Variants in BTN3A2 observed in about 807,000 individuals in gnomAD.
The protein encoded by BTN3A2 is butyrophilin subfamily 3 member A2.
BTN3A2 carries 25 observed loss-of-function variants against 37.6 expected under a neutral mutation model. The ratio of observed to expected loss-of-function variants is 0.66; its 90% CI spans 0.48 to 0.93. The LOEUF is 0.93. BTN3A2 is among the 40% of genes least tolerant of loss of function. The pLI, the probability that BTN3A2 is intolerant of heterozygous loss-of-function variation, is 0.00. For missense variants in BTN3A2, 266 were observed against 410.9 expected (o/e 0.65, Z 3.05); for synonymous variants, 122 against 159.4 (o/e 0.77, Z 1.77).
chr6:26,368,582 G>A lies in BTN3A2; in HGVS notation c.103G>A (p.Gly35Arg), dbSNP rs1187738748. The A allele has an allele frequency of 2.5e-6, 4 of 1,613,966 alleles. No homozygotes were observed. In the Admixed American group the frequency reaches 5.0e-5, roughly 20 times the overall value. ...TPCSAQFSVL[G>R]PSGPILAMVG... ...GCTGACAGCTCAGTTTTCTGTGCTT[G>A]GACCCTCTGGGCCCATCCTGGCCAT... The change falls in exon 4 of 11, where the codon GGA becomes AGA. Residue 35 changes from glycine to arginine, a missense_variant. This residue lies in a region of BTN3A2 where 47 missense variants were observed against 77.3 expected (regional missense o/e 0.61). Coordinates refer to ENST00000377708, the MANE Select transcript of BTN3A2 (RefSeq NM_007047.5).
intron 9 of BTN3A2, 149 bp from the exon 10 acceptor site, chr6:26,374,622 C>T (rs1760524243): frequency 3.0e-6 from 3 of 998,590 alleles, no homozygotes; most frequent in Middle Eastern, 3.1e-4. Context: ...AAGGTGCCAC[C>T]TCTGATCCAT....
intron 1 of BTN3A2, 125 bp from the exon 2 acceptor site, chr6:26,367,865 G>A (rs1034468316): frequency 1.8e-5 from 6 of 335,158 alleles, no homozygotes; most frequent in Non-Finnish European, 3.2e-5. Context: ...GAATCAGAGG[G>A]GGATGATGGA....
At position 26,377,003 on chromosome 6, in the gene BTN3A2, C is replaced by T; in HGVS notation, c.*1241C>T. The T allele has an allele frequency of 6.9e-7, 1 of 1,455,436 alleles. No individual in the cohort carries two copies. Among genetic ancestry groups the T allele is most frequent in the Middle Eastern group, 1.7e-4 (1 of 5,752 alleles). 90.2% of individuals were successfully genotyped at this position (1,455,436 alleles called of 1,614,324 possible). On this transcript the variant is annotated 3_prime_UTR_variant, in exon 11 of 11. Transcript: ENST00000377708. ...ACAATGCCACGGATGGATCTCATATCTACACATTTCTGCACGCCTCTTCCT... is the reference window on the plus strand; with the variant it reads ...ACAATGCCACGGATGGATCTCATATTTACACATTTCTGCACGCCTCTTCCT...
At chr6:26,373,547 T>C in intron 8 of BTN3A2, 134 bp downstream of exon 8, 1 of 851,054 alleles carries the variant, frequency 1.2e-6, no homozygotes, top group Non-Finnish European at 1.6e-6. Flanking sequence ...AGAAAACAAG[T>C]GTGGCTCTTT....
Position 26,365,233 on chromosome 6 carries a change from T to A in BTN3A2, c.-186T>A. ...GTTTCTCATGGTGAGAAGACAATAT[T>A]TGCTTTCTCTTTTTCCTTTCTTCCG... On this transcript the variant is annotated 5_prime_UTR_variant, in exon 1 of 11. In the 5' UTR this introduces an upstream ATG that the reference lacks. Coordinates refer to ENST00000377708, the MANE Select transcript of BTN3A2 (RefSeq NM_007047.5). 7.2e-7 allele frequency: 1 copy of A among 1,394,116 alleles called. No individual in the cohort carries two copies. The highest frequency in any genetic ancestry group is 9.8e-7 in the Non-Finnish European group (1 of 1,021,648). 86.4% of individuals were successfully genotyped at this position (1,394,116 alleles called of 1,614,324 possible).
Position 26,376,424 on chromosome 6 carries a change from G to C in BTN3A2, c.*662G>C. The C allele has an allele frequency of 1.6e-6, 1 of 611,308 alleles. No individual in the cohort carries two copies. Among genetic ancestry groups the C allele is most frequent in the Non-Finnish European group, 2.4e-6 (1 of 411,072 alleles). The allele number at this position is 611,308 out of a possible 1,614,324, so 37.9% of individuals were successfully genotyped here. On this transcript the variant is annotated 3_prime_UTR_variant, in exon 11 of 11. Coordinates refer to ENST00000377708, the MANE Select transcript of BTN3A2 (RefSeq NM_007047.5). Reference sequence around the variant, plus strand: ...CTAGACCCCTGGGGCTTTCACCAATGACATTGATGAGAGAATCACATTCAG... The same window carrying C: ...CTAGACCCCTGGGGCTTTCACCAATCACATTGATGAGAGAATCACATTCAG...
In BTN3A2 at chr6:26,368,651, A is replaced by G; in HGVS notation, c.172A>G (p.Met58Val). 6.2e-7 allele frequency: 1 copy of G among 1,614,054 alleles called. No individual in the cohort carries two copies. Residue 58 changes from methionine (M) to valine (V), a missense_variant, in exon 4 of 11, where the codon ATG (methionine) becomes GTG (valine). This residue lies in a region of BTN3A2 where 47 missense variants were observed against 77.3 expected (regional missense o/e 0.61). Transcript: ENST00000377708. ...ADLPCHLFPT[M>V]SAETMELKWV... ...TCTGCCCTGTCACCTGTTCCCGACCATGAGTGCAGAGACCATGGAGCTGAA... is the reference window on the plus strand; with the variant it reads ...TCTGCCCTGTCACCTGTTCCCGACCGTGAGTGCAGAGACCATGGAGCTGAA...
At chr6:26,375,550 G>A in intron 10 of BTN3A2, 1 of 1,323,990 alleles carries the variant, frequency 7.6e-7, no homozygotes, top group Non-Finnish European at 1.0e-6. Flanking sequence ...GCAAACCAGA[G>A]GACAAGGGAG....
chr6:26,374,001 C>T (rs535437620), intron 8 of BTN3A2: 3 of 262,896 alleles, frequency 1.1e-5, no homozygotes, highest in East Asian at 1.6e-4. Flanking sequence ...TCTTGTACTC[C>T]TAGGCATACA....
At chr6:26,372,557 G>A in intron 5 of BTN3A2, 1 of 257,826 alleles carries the variant, frequency 3.9e-6, no homozygotes. Context: ...AGGACAGGGT[G>A]AATGAGAGAG....
intron 5 of BTN3A2, among the ~76,000 whole-genome samples, chr6:26,371,898 C>T (rs941834850): frequency 1.3e-5 from 2 of 152,140 alleles, no homozygotes; most frequent in African/African-American, 4.8e-5. Context: ...AGGCTGGTCT[C>T]AAACTCCTGA....
intron 1 of BTN3A2, 119 bp from the exon 2 acceptor site, chr6:26,367,871 A>T: frequency 2.8e-6 from 1 of 351,774 alleles, no homozygotes; most frequent in Non-Finnish European, 5.0e-6. Flanking sequence ...GAGGGGGATG[A>T]TGGAAGCTTG....
intron 4 of BTN3A2, among the ~76,000 whole-genome samples, 166 bp downstream of exon 4, chr6:26,369,078 T>A (rs1338010060): frequency 6.6e-6 from 1 of 151,800 alleles, no homozygotes; most frequent in Non-Finnish European, 1.5e-5. Flanking sequence ...ACACAGGTTT[T>A]CCTTTAGGAA....
intron 5 of BTN3A2, among the ~76,000 whole-genome samples, chr6:26,372,120 G>A (rs1760177358): frequency 6.6e-6 from 1 of 152,278 alleles, no homozygotes; most frequent in Non-Finnish European, 1.5e-5. Context: ...ATACTAATAT[G>A]GAAAGATCTC....
At position 26,376,641 on chromosome 6, in the gene BTN3A2, C is replaced by T; in HGVS notation, c.*879C>T. 2 of 1,474,452 alleles carry T rather than the reference C, an allele frequency of 1.4e-6. No homozygotes were observed. The highest frequency in any genetic ancestry group is 1.9e-6 in the Non-Finnish European group (2 of 1,056,858). 91.3% of individuals were successfully genotyped at this position (1,474,452 alleles called of 1,614,324 possible). Reference sequence around the variant, plus strand: ...TGTTTCTGAGGACCAGAGGAGTGTACAGCGTGCTGAGGAGCCCCATGACCT... The same window carrying T: ...TGTTTCTGAGGACCAGAGGAGTGTATAGCGTGCTGAGGAGCCCCATGACCT... On this transcript the variant is annotated 3_prime_UTR_variant, in exon 11 of 11. Transcript: ENST00000377708.
At position 26,376,652 on chromosome 6, in the gene BTN3A2, G is replaced by A. The variant is rs530141928; in HGVS notation, c.*890G>A. 1.6e-4 allele frequency: 244 copies of A among 1,493,612 alleles called. 1 individual carries two copies. The Middle Eastern group carries it at 1.9e-3, about 12-fold the overall frequency. The allele number at this position is 1,493,612 out of a possible 1,614,324, so 92.5% of individuals were successfully genotyped here. A position where few individuals can be genotyped will look rare whatever the true frequency, so the allele number is the denominator to read the frequency against. On this transcript the variant is annotated 3_prime_UTR_variant, in exon 11 of 11. Coordinates refer to ENST00000377708, the MANE Select transcript of BTN3A2 (RefSeq NM_007047.5). ...ACCAGAGGAGTGTACAGCGTGCTGA[G>A]GAGCCCCATGACCTACCAGACAACC...
At chr6:26,368,973 T>G in intron 4 of BTN3A2, 61 bp downstream of exon 4, 1 of 1,045,160 alleles carries the variant, frequency 9.6e-7, no homozygotes, top group Non-Finnish European at 1.4e-6. Flanking sequence ...AGATGCAGAG[T>G]CCCTCTTGCA....
At chr6:26,371,375 C>A (rs1339560136) in intron 5 of BTN3A2, among the ~76,000 whole-genome samples, 4 of 152,208 alleles carry the variant, frequency 2.6e-5, no homozygotes, top group Admixed American at 2.6e-4. Flanking sequence ...CTCATTCTCA[C>A]TCACTGGGTA....
Position 26,376,242 on chromosome 6 carries a change from G to GAAAAGAAAAT in BTN3A2, c.*484_*485insGAAAATAAAA, listed in dbSNP as rs1760707380. The stretch of plus-strand genomic sequence containing the variant: ...AAAAAAAAAAAAAAAAAAAAGAAAA[G>GAAAAGAAAAT]AAAATTAACCTCTGAGTATAAAGCA... On this transcript the variant is annotated 3_prime_UTR_variant, in exon 11 of 11. Coordinates refer to ENST00000377708, the MANE Select transcript of BTN3A2 (RefSeq NM_007047.5). 1.3e-5 allele frequency: 2 copies of GAAAAGAAAAT among 155,200 alleles called. No homozygotes were observed. The highest frequency in any genetic ancestry group is 5.3e-5 in the African/African-American group (2 of 37,966). 9.6% of individuals were successfully genotyped at this position (155,200 alleles called of 1,614,324 possible).
Sources: gnomAD v4.1 joint callset for allele counts (sites outside exome capture counted in the v4.1 genomes callset) on GRCh38, gnomAD v4.1.1 for gene constraint, gnomAD v4.1.1 regional missense constraint, MANE v1.5 for transcripts, NCBI Gene and HGNC (gene_info 2026-07-23, HGNC 2026-07-21) for gene names.